The following PODN variants were observed in gnomAD, a reference collection of about 807,000 sequenced individuals.
PODN encodes podocan proteoglycan.
A neutral mutation model predicts 52.7 loss-of-function variants in PODN; 40 were observed. The ratio of observed to expected loss-of-function variants is 0.76; its 90% CI spans 0.59 to 0.99. The LOEUF (loss-of-function observed/expected upper bound fraction) is 0.99. PODN is among the 50% of genes least tolerant of loss of function. The probability of loss-of-function intolerance (pLI) is 0.00; values close to 1 mark genes in which losing one functional copy is unlikely to be tolerated. For missense variants in PODN, 720 were observed against 815.1 expected (o/e 0.88, Z 1.42); for synonymous variants, 396 against 377.9 (o/e 1.05, Z -0.56).
intron 8 of PODN, among the ~76,000 whole-genome samples, chr1:53,079,242 G>A (rs575584995): frequency 1.3e-5 from 2 of 152,370 alleles, no homozygotes; most frequent in South Asian, 4.1e-4. Flanking sequence ...CAGGCAGAGG[G>A]TGTGGCTGGC....
rs1006538067 is a variant in PODN at position 53,066,992 on chromosome 1, C to G, written c.-55-2809C>G. On this transcript the variant is annotated intron_variant, in intron 1 of 10. Transcript: ENST00000312553. ...CTCTCGCTCTTAGAACCCCGGACTA[C>G]AGTGGGGTCAGATGGGCAAGTGGCT... is the stretch of plus-strand genomic sequence containing the variant. The G allele has an allele frequency of 5.3e-6, 5 of 936,326 alleles. No homozygotes were observed. In the Admixed American group the frequency reaches 7.8e-5, roughly 15 times the overall value. The allele number at this position is 936,326 out of a possible 1,614,324, so 58.0% of individuals were successfully genotyped here.
Position 53,078,993 on chromosome 1 carries a change from C to A in PODN, c.1483C>A (p.Arg495Ser), listed in dbSNP as rs762597924. ...ACTGCGCAGCCGAGCCCTGGGCCCCCGTGCCTGGGTGGACCTCGCCCATCT... is the reference window on the plus strand; with the variant it reads ...ACTGCGCAGCCGAGCCCTGGGCCCCAGTGCCTGGGTGGACCTCGCCCATCT... Reference protein sequence around the residue: ...NRLRSRALGPRAWVDLAHLQL... With the variant: ...NRLRSRALGPSAWVDLAHLQL... Residue 495 changes from arginine (R) to serine (S), a missense_variant, in exon 8 of 11, where the codon CGT (arginine) becomes AGT (serine). Coordinates refer to ENST00000312553, the MANE Select transcript of PODN (RefSeq NM_153703.5). The A allele has an allele frequency of 6.4e-7, 1 of 1,563,930 alleles. No individual in the cohort carries two copies. Among genetic ancestry groups the A allele is most frequent in the East Asian group, 2.4e-5 (1 of 42,524 alleles).
At position 53,082,202 on chromosome 1, in the gene PODN, A is replaced by G. The variant is rs370014652; in HGVS notation, c.*27+14A>G. On this transcript the variant is annotated intron_variant, in intron 10 of 10. Transcript: ENST00000312553. ...GATGTGACCTAGGTATGTGGCCTGTATGGGGCAGCACTCACTTCTGCTCCC... is the reference window on the plus strand; with the variant it reads ...GATGTGACCTAGGTATGTGGCCTGTGTGGGGCAGCACTCACTTCTGCTCCC... 9.2e-5 allele frequency: 141 copies of G among 1,530,900 alleles called. No homozygotes were observed. In the African/African-American group the frequency reaches 1.8e-3, roughly 20 times the overall value. The allele number at this position is 1,530,900 out of a possible 1,614,324, so 94.8% of individuals were successfully genotyped here. A position where few individuals can be genotyped will look rare whatever the true frequency, so the allele number is the denominator to read the frequency against.
Position 53,071,597 on chromosome 1 carries a change from G to A in PODN, c.375G>A (p.Leu125=), listed in dbSNP as rs1415348095. ...CCCGGCTGCACCGGCTGGAGACGCTGAACCTGCAAAACAACCGCCTGACTT... is the reference window on the plus strand; with the variant it reads ...CCCGGCTGCACCGGCTGGAGACGCTAAACCTGCAAAACAACCGCCTGACTT... The part of the protein sequence containing the change: ...ELSRLHRLET[L]NLQNNRLTSR... The change falls in exon 3 of 11, where the codon CTG becomes CTA. Residue 125 remains leucine (L), a synonymous_variant. Transcript: ENST00000312553. The A allele has an allele frequency of 1.2e-6, 2 of 1,613,912 alleles. No individual in the cohort carries two copies. The highest frequency in any genetic ancestry group is 2.2e-5 in the South Asian group (2 of 91,082).
intron 2 of PODN, among the ~76,000 whole-genome samples, chr1:53,070,718 C>T (rs956531021): frequency 2.0e-5 from 3 of 152,248 alleles, no homozygotes; most frequent in Non-Finnish European, 4.4e-5. Context: ...GGAGGGGCTG[C>T]GGCACCCGTT....
At chr1:53,072,268 C>T (rs79414003) in intron 3 of PODN, among the ~76,000 whole-genome samples, 1,717 of 152,182 alleles carry the variant, frequency 0.011, 36 homozygotes, top group African/African-American at 0.039. Context: ...TCTGCAATTA[C>T]GAAAGAACTA....
intron 5 of PODN, 63 bp downstream of exon 5, chr1:53,076,034 G>C: frequency 7.4e-7 from 1 of 1,354,002 alleles, no homozygotes; most frequent in Non-Finnish European, 1.0e-6. Flanking sequence ...GGTGGAGGCT[G>C]CCATCCTGTG....
At chr1:53,071,854 T>A (rs1420218773) in intron 3 of PODN, among the ~76,000 whole-genome samples, 1 of 151,548 alleles carries the variant, frequency 6.6e-6, no homozygotes, top group Admixed American at 6.6e-5. Context: ...TTTCTTTCTT[T>A]TTTTTTTTGA....
intron 1 of PODN, among the ~76,000 whole-genome samples, chr1:53,064,117 C>T (rs545872347): frequency 6.6e-6 from 1 of 152,326 alleles, no homozygotes; most frequent in East Asian, 1.9e-4. Flanking sequence ...CACTAATTTG[C>T]AAACTGGGGG....
chr1:53,077,355 G>A lies in PODN; in HGVS notation c.738+9G>A, dbSNP rs1293027267. 1 of 1,612,734 alleles carries A rather than the reference G, an allele frequency of 6.2e-7. No individual in the cohort carries two copies. The highest frequency in any genetic ancestry group is 1.7e-5 in the Admixed American group (1 of 60,006). On this transcript the variant is annotated intron_variant, in intron 6 of 10. Coordinates refer to ENST00000312553, the MANE Select transcript of PODN (RefSeq NM_153703.5). ...ACAAGCTGCACCTCAAGGTGGGCAG[G>A]GGAGGGGTAAGGAGGGGCACAGCAG...
intron 6 of PODN, 89 bp downstream of exon 6, chr1:53,077,435 C>A: frequency 6.5e-7 from 1 of 1,542,334 alleles, no homozygotes. Flanking sequence ...CTCAGGCCCA[C>A]ATGGCCACAG....
At chr1:53,077,844 C>T (rs372572402) in intron 7 of PODN, 44 bp downstream of exon 7, 25 of 1,547,850 alleles carry the variant, frequency 1.6e-5, no homozygotes, top group African/African-American at 5.4e-5. Flanking sequence ...CCACGGGGCC[C>T]GGGAAGCTCC....
At position 53,078,778 on chromosome 1, in the gene PODN, G is replaced by A. The variant is rs761163232; in HGVS notation, c.1268G>A (p.Arg423His). Reference protein sequence around the residue: ...YNRITSPQVHRDAFRKLRLLR... With the variant: ...YNRITSPQVHHDAFRKLRLLR... ...CGCATCACCAGCCCGCAGGTGCACCGCGACGCCTTCCGCAAGCTGCGCCTG... is the reference window on the plus strand; with the variant it reads ...CGCATCACCAGCCCGCAGGTGCACCACGACGCCTTCCGCAAGCTGCGCCTG... Residue 423 changes from arginine (R) to histidine (H), a missense_variant, in exon 8 of 11, where the codon CGC (arginine) becomes CAC (histidine). Physicochemically the swap from Arg to His is conservative, Grantham distance 29. Coordinates refer to ENST00000312553, the MANE Select transcript of PODN (RefSeq NM_153703.5). 18 of 1,613,092 alleles carry A rather than the reference G, an allele frequency of 1.1e-5. No individual in the cohort carries two copies. The highest frequency in any genetic ancestry group is 1.6e-4 in the Middle Eastern group (1 of 6,084).
intron 2 of PODN, 134 bp from the exon 3 acceptor site, chr1:53,071,401 C>T: frequency 1.3e-6 from 1 of 747,416 alleles, no homozygotes; most frequent in South Asian, 1.9e-5. Context: ...GGTCTGCTGC[C>T]ATGGGGGAGA....
At chr1:53,071,478 T>G in intron 2 of PODN, 57 bp from the exon 3 acceptor site, 1 of 1,430,528 alleles carries the variant, frequency 7.0e-7, no homozygotes, top group South Asian at 1.2e-5. Flanking sequence ...GGGAATGGAG[T>G]CCAGGGCACA....
At chr1:53,073,216 T>G (rs1644145237) in intron 3 of PODN, 1 of 220,026 alleles carries the variant, frequency 4.5e-6, no homozygotes, top group Admixed American at 4.1e-5. Flanking sequence ...GTGGATCAGA[T>G]GAAGGGACAT....
Position 53,078,661 on chromosome 1 carries a change from C to G in PODN, c.1151C>G (p.Thr384Ser), listed in dbSNP as rs1557656258. ...AGTGGCCTGCCTCGCCGCGTGCGCA[C>G]CCTCATGATCCTGCACAACCAGATC... ...VPSGLPRRVRTLMILHNQITG... is the reference protein window; with the variant it reads ...VPSGLPRRVRSLMILHNQITG... Residue 384 changes from threonine to serine, a missense_variant, in exon 8 of 11, where the codon ACC (threonine) becomes AGC (serine). Thr to Ser is a moderately conservative substitution (Grantham distance 58). Transcript: ENST00000312553. The G allele has an allele frequency of 6.2e-7, 1 of 1,613,046 alleles. No homozygotes were observed. The highest frequency in any genetic ancestry group is 2.2e-5 in the East Asian group (1 of 44,894).
At position 53,070,033 on chromosome 1, in the gene PODN, G is replaced by A. The variant is rs1324288699; in HGVS notation, c.178G>A (p.Gly60Arg). The A allele has an allele frequency of 2.0e-5, 32 of 1,612,824 alleles. No individual in the cohort carries two copies. Among genetic ancestry groups the A allele is most frequent in the East Asian group, 1.1e-4 (5 of 44,890 alleles). The change falls in exon 2 of 11, where the codon GGG becomes AGG. Residue 60 changes from glycine to arginine, a missense_variant. Physicochemically the swap from Gly to Arg is moderately radical, Grantham distance 125. Coordinates refer to ENST00000312553, the MANE Select transcript of PODN (RefSeq NM_153703.5). ...GCTGGTACTGAGCCCTGAGGAGCCCGGGCCTGGCCCAGCCGCGGTCAGCTG... is the reference window on the plus strand; with the variant it reads ...GCTGGTACTGAGCCCTGAGGAGCCCAGGCCTGGCCCAGCCGCGGTCAGCTG... ...PVLVLSPEEP[G>R]PGPAAVSCPR...
rs1186777121 is a variant in PODN at position 53,080,803 on chromosome 1, C to A, written c.1588C>A (p.Gln530Lys). 6.2e-7 allele frequency: 1 copy of A among 1,614,014 alleles called. No homozygotes were observed. Among genetic ancestry groups the A allele is most frequent in the Non-Finnish European group, 8.5e-7 (1 of 1,180,046 alleles). The change falls in exon 9 of 11, where the codon CAG (glutamine) becomes AAG (lysine). Residue 530 changes from glutamine to lysine, a missense_variant. Physicochemically the swap from Gln to Lys is moderately conservative, Grantham distance 53. Coordinates refer to ENST00000312553, the MANE Select transcript of PODN (RefSeq NM_153703.5). Reference sequence around the variant, plus strand: ...CGAGTCACTTGAGTACCTGTACCTGCAGAACAACAAGATTAGTGCGGTGCC... The same window carrying A: ...CGAGTCACTTGAGTACCTGTACCTGAAGAACAACAAGATTAGTGCGGTGCC... The part of the protein sequence containing the change: ...LPESLEYLYL[Q>K]NNKISAVPAN...
Sources: allele counts gnomAD v4.1 joint callset (sites outside exome capture counted in the v4.1 genomes callset), GRCh38; gene constraint gnomAD v4.1.1; transcripts MANE v1.5; gene names NCBI Gene and HGNC (gene_info 2026-07-23, HGNC 2026-07-21).